The following PTPRM variants were observed in gnomAD, a reference collection of about 807,000 sequenced individuals.
PTPRM encodes the protein receptor-type tyrosine-protein phosphatase mu.
Under a neutral mutation model 186.7 loss-of-function variants are expected in PTPRM, and 47 were observed. The observed-to-expected ratio is 0.25, with a 90% CI of 0.20 to 0.32. The LOEUF (loss-of-function observed/expected upper bound fraction) is 0.32. Ranked by LOEUF, PTPRM falls within the 10% of genes least tolerant of loss-of-function variation. The pLI is 1.00. For synonymous variants in PTPRM, 668 were observed against 674.9 expected (o/e 0.99, Z 0.16); for missense variants, 1,494 against 1,865.0 (o/e 0.80, Z 3.66).
chr18:7,628,715 C>G lies in PTPRM; in HGVS notation c.73+60824C>G, dbSNP rs150518397. 7.9e-5 allele frequency among the ~76,000 whole-genome samples: 12 copies of G among 152,250 alleles called. No individual in the cohort carries two copies. The East Asian group carries it at 2.3e-3, about 29-fold the overall frequency. On this transcript the variant is annotated intron_variant, in intron 1 of 32. Transcript: ENST00000580170. ...CATTCAGCAGATAATTGAGGGCCCA[C>G]CCTGTCAGGCACTGTCCTAAATGCT...
intron 2 of PTPRM, among the ~76,000 whole-genome samples, chr18:7,781,988 A>T (rs1053933400): frequency 6.6e-6 from 1 of 152,204 alleles, no homozygotes; most frequent in African/African-American, 2.4e-5. Flanking sequence ...CACCTTGGTG[A>T]GGCTTAGAAT....
At chr18:7,595,055 G>A (rs987766834) in intron 1 of PTPRM, among the ~76,000 whole-genome samples, 4 of 152,124 alleles carry the variant, frequency 2.6e-5, no homozygotes, top group Non-Finnish European at 5.9e-5. Context: ...TGTGCCACTC[G>A]TTGAATAGCT....
chr18:7,899,955 G>A (rs375331913), intron 3 of PTPRM, among the ~76,000 whole-genome samples: 10 of 152,184 alleles, frequency 6.6e-5, no homozygotes, highest in African/African-American at 2.4e-4. Context: ...AACAAGTCAA[G>A]CCAGGGACAG....
chr18:8,258,685 G>A (rs1473004966), intron 19 of PTPRM, among the ~76,000 whole-genome samples: 1 of 152,102 alleles, frequency 6.6e-6, no homozygotes, highest in Non-Finnish European at 1.5e-5. Flanking sequence ...TGCTATAACT[G>A]TAAAATTAAG....
chr18:8,272,184 T>A (rs1298335495), intron 19 of PTPRM, among the ~76,000 whole-genome samples: 8 of 140,288 alleles, frequency 5.7e-5, no homozygotes, highest in African/African-American at 1.9e-4. Context: ...CAAGCCTGGG[T>A]GACAGAGCAA....
At chr18:8,083,886 A>G (rs1451794275) in intron 9 of PTPRM, among the ~76,000 whole-genome samples, 2 of 152,180 alleles carry the variant, frequency 1.3e-5, no homozygotes, top group Non-Finnish European at 2.9e-5. Flanking sequence ...AGAAAGGAAT[A>G]TAATGGTGTA....
chr18:8,359,783 C>A (rs73382281), intron 23 of PTPRM, among the ~76,000 whole-genome samples: 48 of 152,320 alleles, frequency 3.2e-4, no homozygotes, highest in African/African-American at 1.1e-3. Flanking sequence ...CATCATTGGA[C>A]GCAATATGGG....
chr18:8,222,816 A>T (rs1351651840), intron 14 of PTPRM, among the ~76,000 whole-genome samples: 1 of 152,212 alleles, frequency 6.6e-6, no homozygotes, highest in African/African-American at 2.4e-5. Context: ...TGAACTGGGC[A>T]TGGTGGTTTG....
chr18:7,957,173 CTT>C (rs79379767), intron 7 of PTPRM, among the ~76,000 whole-genome samples: 11 of 136,622 alleles, frequency 8.1e-5, no homozygotes, highest in South Asian at 2.4e-4. Context: ...CAGTCCTGTT[CTT>C]TTTTTTTTTT....
intron 1 of PTPRM, among the ~76,000 whole-genome samples, chr18:7,576,233 C>T (rs1213387949): frequency 6.6e-6 from 1 of 152,216 alleles, no homozygotes; most frequent in Non-Finnish European, 1.5e-5. Context: ...TATAGAGCAT[C>T]AGTTTTTCAG....
At chr18:7,990,421 T>G (rs2147617586) in intron 7 of PTPRM, among the ~76,000 whole-genome samples, 1 of 152,330 alleles carries the variant, frequency 6.6e-6, no homozygotes, top group Admixed American at 6.5e-5. Context: ...TATGTTGACT[T>G]ACTTTGGATA....
At chr18:7,833,596 T>C (rs1291298281) in intron 2 of PTPRM, among the ~76,000 whole-genome samples, 2 of 151,990 alleles carry the variant, frequency 1.3e-5, no homozygotes, top group African/African-American at 2.4e-5. Context: ...TAGCCGGGCA[T>C]GGTGGCAGGT....
At chr18:7,812,678 T>C (rs1050694085) in intron 2 of PTPRM, among the ~76,000 whole-genome samples, 18 of 152,142 alleles carry the variant, frequency 1.2e-4, no homozygotes, top group African/African-American at 4.1e-4. Context: ...AAATATCTAC[T>C]TGCCAACTTC....
chr18:8,152,202 C>T (rs899137366), intron 14 of PTPRM, among the ~76,000 whole-genome samples: 5 of 152,242 alleles, frequency 3.3e-5, no homozygotes, highest in Admixed American at 1.3e-4. Flanking sequence ...CTACTGTGGA[C>T]TAGAAATAAT....
intron 1 of PTPRM, among the ~76,000 whole-genome samples, chr18:7,650,169 A>G (rs1412733861): frequency 2.6e-5 from 4 of 152,270 alleles, no homozygotes; most frequent in South Asian, 2.1e-4. Context: ...TGGGTTCTGC[A>G]GGGTGTACTA....
chr18:8,254,201 C>T (rs1475499910), intron 19 of PTPRM, among the ~76,000 whole-genome samples: 4 of 152,168 alleles, frequency 2.6e-5, no homozygotes, highest in African/African-American at 9.7e-5. Context: ...GTCTTGGGCT[C>T]TTGTGTGGGC....
intron 14 of PTPRM, among the ~76,000 whole-genome samples, chr18:8,168,759 C>G (rs1600968193): frequency 1.3e-5 from 2 of 152,208 alleles, no homozygotes; most frequent in Non-Finnish European, 1.5e-5. Flanking sequence ...CCATCTACTC[C>G]TTTCTTACTA....
chr18:7,620,400 G>A (rs1042552703), intron 1 of PTPRM, among the ~76,000 whole-genome samples: 21 of 152,096 alleles, frequency 1.4e-4, no homozygotes, highest in Admixed American at 1.3e-4. Flanking sequence ...TCCATTACAT[G>A]ACTCAGAATG....
chr18:7,985,531 A>ATG (rs1474469903), intron 7 of PTPRM, among the ~76,000 whole-genome samples: 1 of 137,332 alleles, frequency 7.3e-6, no homozygotes, highest in Non-Finnish European at 1.6e-5. Context: ...GTAGATACGT[A>ATG]TATAAATATA....
Sources: allele counts gnomAD v4.1 joint callset (sites outside exome capture counted in the v4.1 genomes callset), GRCh38; gene constraint gnomAD v4.1.1; transcripts MANE v1.5; gene names NCBI Gene and HGNC (gene_info 2026-07-23, HGNC 2026-07-21).